The following HAP1 variants were observed in gnomAD, a reference collection of about 807,000 sequenced individuals.
HAP1 encodes the protein huntingtin associated protein 1.
A neutral mutation model predicts 60.3 loss-of-function variants in HAP1; 59 were observed. The observed-to-expected ratio is 0.98, with a 90% confidence interval of 0.79 to 1.22. The LOEUF is 1.22. HAP1 is among the 50% of genes most tolerant of loss of function. HAP1 has a pLI of 0.00. For synonymous variants in HAP1, 346 were observed against 330.6 expected, an observed-to-expected ratio of 1.05 and a Z score of -0.50; for missense variants, 825 against 785.3, an observed-to-expected ratio of 1.05 and a Z score of -0.60.
In HAP1 at chr17:41,727,027, G is replaced by A. The variant is rs372575811; in HGVS notation, c.1367+26C>T. On this transcript the variant is annotated intron_variant, in intron 9 of 10. Transcript: ENST00000347901. ...CTACAGGAAAGGCCATGGCCTATGG[G>A]GCAAGGGAGGGCCCCAGCCACGCAC... 6.5e-6 allele frequency: 8 copies of A among 1,222,304 alleles called. No homozygotes were observed. The African/African-American group carries it at 8.8e-5, about 14-fold the overall frequency. The allele number at this position is 1,222,304 out of a possible 1,614,324, so 75.7% of individuals were successfully genotyped here. A position where few individuals can be genotyped will look rare whatever the true frequency, so the allele number is the denominator to read the frequency against.
chr17:41,731,783 G>A (rs1555591062), intron 4 of HAP1, 40 bp from the exon 5 acceptor site: 1 of 1,455,994 alleles, frequency 6.9e-7, no homozygotes, highest in Admixed American at 1.7e-5. Flanking sequence ...GCAGGGAGTG[G>A]GGCTTCCCAG....
At chr17:41,733,187 G>T (rs1190157902) in intron 1 of HAP1, among the ~76,000 whole-genome samples, 1 of 150,738 alleles carries the variant, frequency 6.6e-6, no homozygotes, top group African/African-American at 2.4e-5. Context: ...GAGTAGCTGG[G>T]GTTATACACG....
chr17:41,725,558 C>T (rs553652376), intron 10 of HAP1, among the ~76,000 whole-genome samples: 2 of 152,182 alleles, frequency 1.3e-5, no homozygotes, highest in African/African-American at 2.4e-5. Context: ...AAAGGGACCA[C>T]GCTGGGCCTT....
intron 6 of HAP1, among the ~76,000 whole-genome samples, chr17:41,730,754 C>T (rs985227495): frequency 1.3e-5 from 2 of 152,210 alleles, no homozygotes; most frequent in Non-Finnish European, 2.9e-5. Flanking sequence ...CTGCTCCTCA[C>T]TCATCTTCAT....
At chr17:41,729,225 G>A (rs1439373675) in intron 6 of HAP1, among the ~76,000 whole-genome samples, 2 of 151,226 alleles carry the variant, frequency 1.3e-5, no homozygotes, top group East Asian at 2.0e-4. Context: ...ACAGGGGTGA[G>A]CCACTGCACC....
chr17:41,728,369 T>C (rs1911860688), intron 6 of HAP1, 38 bp from the exon 7 acceptor site: 4 of 1,605,922 alleles, frequency 2.5e-6, no homozygotes, highest in East Asian at 4.5e-5. Context: ...CTGGCTCCCC[T>C]GGCCTTCAGG....
intron 1 of HAP1, among the ~76,000 whole-genome samples, chr17:41,733,708 G>A (rs1329477845): frequency 6.6e-6 from 1 of 152,044 alleles, no homozygotes; most frequent in Non-Finnish European, 1.5e-5. Context: ...AAAAGAGCGC[G>A]ACTTTGCCCC....
Position 41,724,923 on chromosome 17 carries a change from C to G in HAP1, c.1638G>C (p.Glu546Asp), listed in dbSNP as rs1365976758. The change falls in exon 11 of 11, where the codon GAG becomes GAC. Residue 546 changes from glutamate to aspartate, a missense_variant. Physicochemically the swap from Glu to Asp is conservative, Grantham distance 45. Transcript: ENST00000347901. ...ETEGWEEVEL[E>D]LDEATRMNVV... The stretch of plus-strand genomic sequence containing the variant: ...CGTTCATCCGCGTTGCCTCATCCAG[C>G]TCCAGTTCCACCTCCTCCCAGCCCT... 6.2e-7 allele frequency: 1 copy of G among 1,613,358 alleles called. No homozygotes were observed. The highest frequency in any genetic ancestry group is 1.3e-5 in the African/African-American group (1 of 74,938).
chr17:41,733,038 G>GTTTTTTTTTTTTTTTTTTGTT (rs10679002), intron 1 of HAP1, among the ~76,000 whole-genome samples: 1 of 107,216 alleles, frequency 9.3e-6, no homozygotes, highest in Non-Finnish European at 1.8e-5. Flanking sequence ...GTTTTTTTTG[G>GTTTTTTTTTTTTTTTTTTGTT]TTTTTTTTTT....
intron 1 of HAP1, among the ~76,000 whole-genome samples, chr17:41,733,731 C>A (rs1472364881): frequency 6.6e-6 from 1 of 152,056 alleles, no homozygotes; most frequent in Non-Finnish European, 1.5e-5. Flanking sequence ...TACCCGCAAC[C>A]AAAAAGTGGG....
intron 6 of HAP1, among the ~76,000 whole-genome samples, chr17:41,729,259 G>T (rs1312470411): frequency 6.6e-6 from 1 of 150,976 alleles, no homozygotes; most frequent in Non-Finnish European, 1.5e-5. Context: ...TTTAAGAAAT[G>T]AGGTCTTGGG....
In HAP1 at chr17:41,725,149, T is replaced by C; in HGVS notation, c.1412A>G (p.Asp471Gly). Residue 471 changes from aspartate (D) to glycine (G), a missense_variant, in exon 11 of 11, where the codon GAT becomes GGT. By Grantham distance (94) the Asp-to-Gly change is moderately conservative. Transcript: ENST00000347901. ...CTCTCGATCCTCACTGTAGCGAAAA[T>C]CATACCTGGGCGGGAGATAGCGACA... ...PRGDTSSLRY[D>G]FRYSEDREQV... 6.3e-7 allele frequency: 1 copy of C among 1,577,382 alleles called. No homozygotes were observed. Among genetic ancestry groups the C allele is most frequent in the Non-Finnish European group, 8.6e-7 (1 of 1,159,284 alleles).
rs1912581281 is a variant in HAP1 at position 41,734,608 on chromosome 17, G to A, written c.27C>T (p.Cys9=). Residue 9 remains cysteine (C), a synonymous_variant, in exon 1 of 11, where the codon TGC becomes TGT. Coordinates refer to ENST00000347901, the MANE Select transcript of HAP1 (RefSeq NM_177977.3). Reference sequence around the variant, plus strand: ...CGGGTCCGAGCCGGCTCCCCGCGCAGCACCGGCCCAACCTCTTCGGGCGCA... The same window carrying A: ...CGGGTCCGAGCCGGCTCCCCGCGCAACACCGGCCCAACCTCTTCGGGCGCA... MRPKRLGR[C]CAGSRLGPGD... 1.9e-6 allele frequency: 3 copies of A among 1,563,118 alleles called. No individual in the cohort carries two copies. Among genetic ancestry groups the A allele is most frequent in the Admixed American group, 1.8e-5 (1 of 56,106 alleles).
chr17:41,731,530 C>G lies in HAP1; in HGVS notation c.1032G>C (p.Glu344Asp), dbSNP rs1485245212. ...EASQLDTLEDEEQMLILECVE... is the reference protein window; with the variant it reads ...EASQLDTLEDDEQMLILECVE... The stretch of plus-strand genomic sequence containing the variant: ...CACACTCCAGAATGAGCATCTGTTC[C>G]TCATCCTCAAGAGTGTCGAGTTGAG... Residue 344 changes from glutamate (E) to aspartate (D), a missense_variant, in exon 6 of 11, where the codon GAG becomes GAC. Physicochemically the swap from Glu to Asp is conservative, Grantham distance 45. Coordinates refer to ENST00000347901, the MANE Select transcript of HAP1 (RefSeq NM_177977.3). 4.5e-5 allele frequency: 72 copies of G among 1,613,062 alleles called. No individual in the cohort carries two copies. Among genetic ancestry groups the G allele is most frequent in the Non-Finnish European group, 5.5e-5 (65 of 1,179,122 alleles).
At chr17:41,727,461 G>A (rs1339858145) in intron 8 of HAP1, 3 of 777,506 alleles carry the variant, frequency 3.9e-6, no homozygotes, top group African/African-American at 3.4e-5. Context: ...GCTCTGCTGG[G>A]ACCCAGGCAC....
rs143881023 is a variant in HAP1 at position 41,731,704 on chromosome 17, T to G, written c.936A>C (p.Pro312=). The change falls in exon 5 of 11, where the codon CCA becomes CCC. Residue 312 remains proline, a synonymous_variant. Transcript: ENST00000347901. ...GCTTCTCCTGCAAGGCTTCCAGCTG[T>G]GGGCAGTGGTGCTGGTGCAGCAATG... ...QEALLHQHHC[P]QLEALQEKLR... is the part of the protein sequence containing the mutation. The G allele has an allele frequency of 1.2e-6, 2 of 1,614,088 alleles. No individual in the cohort carries two copies. Among genetic ancestry groups the G allele is most frequent in the South Asian group, 2.2e-5 (2 of 91,084 alleles).
downstream of HAP1, among the ~76,000 whole-genome samples, chr17:41,719,128 A>G (rs9910448): frequency 4.9e-3 from 751 of 152,092 alleles, 8 homozygotes; most frequent in African/African-American, 0.017. Context: ...ATAGGCAGGC[A>G]CCACCATGCC....
At chr17:41,731,251 A>G (rs1442567727) in intron 6 of HAP1, among the ~76,000 whole-genome samples, 1 of 152,160 alleles carries the variant, frequency 6.6e-6, no homozygotes, top group Non-Finnish European at 1.5e-5. Context: ...TAGTTTGCAC[A>G]AAGTACTTCC....
chr17:41,732,557 G>A, intron 2 of HAP1, 162 bp downstream of exon 2: 1 of 985,672 alleles, frequency 1.0e-6, no homozygotes, highest in Admixed American at 2.1e-5. Context: ...TTGGCTCTGA[G>A]AGCTCTTCCA....
Sources: allele counts gnomAD v4.1 joint callset (sites outside exome capture counted in the v4.1 genomes callset), GRCh38; gene constraint gnomAD v4.1.1; transcripts MANE v1.5; gene names NCBI Gene and HGNC (gene_info 2026-07-23, HGNC 2026-07-21).